Variants in ELMO2 observed in about 807,000 individuals in gnomAD.
ELMO2 encodes engulfment and cell motility 2.
A neutral mutation model predicts 96.2 loss-of-function variants in ELMO2; 37 were observed. The ratio of observed to expected loss-of-function variants is 0.38; its 90% CI spans 0.30 to 0.51. The LOEUF (loss-of-function observed/expected upper bound fraction) is 0.51. Ranked by LOEUF, ELMO2 falls within the 20% of genes least tolerant of loss-of-function variation. The pLI, the probability that ELMO2 is intolerant of heterozygous loss-of-function variation, is 0.88. For synonymous variants in ELMO2, 315 were observed against 329.4 expected (o/e 0.96, Z 0.47); for missense variants, 561 against 912.6 (o/e 0.61, Z 4.96).
chr20:46,385,651 C>A (rs1466604246), intron 9 of ELMO2, among the ~76,000 whole-genome samples: 1 of 152,140 alleles, frequency 6.6e-6, no homozygotes, highest in Admixed American at 6.5e-5. Context: ...CACAGTGCAT[C>A]GTCGGTTCAG....
intron 1 of ELMO2, among the ~76,000 whole-genome samples, chr20:46,406,293 TC>T (rs1175067115): frequency 2.7e-5 from 4 of 149,612 alleles, no homozygotes; most frequent in South Asian, 4.3e-4. Flanking sequence ...TGGCCCGCCC[TC>T]TTCCGCCACG....
intron 7 of ELMO2, 106 bp from the exon 8 acceptor site, chr20:46,387,543 G>A (rs2060068878): frequency 1.3e-6 from 1 of 796,138 alleles, no homozygotes; most frequent in East Asian, 2.8e-5. Context: ...AACACCCCAT[G>A]GGAAATCAGT....
intron 2 of ELMO2, among the ~76,000 whole-genome samples, chr20:46,396,555 G>A (rs1342196219): frequency 6.6e-6 from 1 of 152,052 alleles, no homozygotes; most frequent in Non-Finnish European, 1.5e-5. Context: ...TCCTTTAAAG[G>A]GGAATTTCTG....
intron 20 of ELMO2, chr20:46,370,167 A>G (rs764014371): frequency 7.4e-5 from 43 of 578,732 alleles, no homozygotes; most frequent in Non-Finnish European, 1.3e-4. Context: ...TACGATGTAC[A>G]CTAAATATTT....
At chr20:46,377,296 G>T (rs1204822537) in intron 11 of ELMO2, among the ~76,000 whole-genome samples, 2 of 152,196 alleles carry the variant, frequency 1.3e-5, no homozygotes, top group African/African-American at 4.8e-5. Context: ...TTGTTGAAAT[G>T]GTAACGTTTT....
At chr20:46,404,277 T>G (rs2060386724) in intron 1 of ELMO2, among the ~76,000 whole-genome samples, 1 of 152,226 alleles carries the variant, frequency 6.6e-6, no homozygotes. Context: ...ATATGCTTCT[T>G]GCTGAGCCAC....
chr20:46,367,671 G>A, intron 21 of ELMO2, 111 bp from the exon 22 acceptor site: 1 of 706,054 alleles, frequency 1.4e-6, no homozygotes, highest in Admixed American at 3.9e-5. Context: ...GAACTAATCA[G>A]TATAGGCAAA....
In ELMO2 at chr20:46,394,507, C is replaced by A; in HGVS notation, c.-25G>T. 1 of 1,613,336 alleles carries A rather than the reference C, an allele frequency of 6.2e-7. No homozygotes were observed. Among genetic ancestry groups the A allele is most frequent in the Non-Finnish European group, 8.5e-7 (1 of 1,179,368 alleles). ...TCGTTCCCAATGGGCTCTAATTCTG[C>A]GAGACAAAAACACAGACACGGCTGC... On this transcript the variant is annotated 5_prime_UTR_variant, in exon 3 of 22. Transcript: ENST00000290246.
intron 8 of ELMO2, 64 bp from the exon 9 acceptor site, chr20:46,386,339 T>A: frequency 1.3e-6 from 2 of 1,589,650 alleles, no homozygotes; most frequent in Non-Finnish European, 1.7e-6. Flanking sequence ...AAGCTTAGCA[T>A]CTGATGCTAG....
At chr20:46,405,524 G>A (rs776049230) in intron 1 of ELMO2, among the ~76,000 whole-genome samples, 4 of 152,176 alleles carry the variant, frequency 2.6e-5, no homozygotes, top group Non-Finnish European at 4.4e-5. Flanking sequence ...GCCTGGGTGA[G>A]GTTCTGGATC....
chr20:46,376,540 T>G (rs1157725582), intron 11 of ELMO2, among the ~76,000 whole-genome samples: 1 of 152,132 alleles, frequency 6.6e-6, no homozygotes, highest in African/African-American at 2.4e-5. Context: ...TCCTGTCTCA[T>G]GTTCTGTCTC....
intron 1 of ELMO2, among the ~76,000 whole-genome samples, chr20:46,403,402 C>T (rs1198850428): frequency 6.6e-6 from 1 of 152,216 alleles, no homozygotes; most frequent in African/African-American, 2.4e-5. Flanking sequence ...ATGAAACCAG[C>T]ATAGCATGCC....
At chr20:46,394,000 C>T in intron 4 of ELMO2, 49 bp downstream of exon 4, 2 of 1,612,838 alleles carry the variant, frequency 1.2e-6, no homozygotes. Context: ...TAGGAGTGCT[C>T]TTTCAGTCGG....
intron 11 of ELMO2, chr20:46,376,959 G>A (rs528872979): frequency 4.0e-5 from 18 of 450,808 alleles, no homozygotes; most frequent in Middle Eastern, 6.7e-4. Flanking sequence ...CGTGGCTAGC[G>A]GCTACAGCAA....
At chr20:46,376,770 T>C (rs2059867520) in intron 11 of ELMO2, 1 of 1,289,404 alleles carries the variant, frequency 7.8e-7, no homozygotes, top group South Asian at 1.2e-5. Flanking sequence ...TTTCCACATG[T>C]ACCACCACTA....
chr20:46,375,828 G>T lies in ELMO2; in HGVS notation c.808-38C>A. On this transcript the variant is annotated intron_variant, in intron 11 of 21. Transcript: ENST00000290246. The surrounding 1 kb of genome is among the most constrained non-coding windows in gnomAD (Gnocchi z 4.6). ...CAGGCAGGGAGCAGGGGACTGAACT[G>T]ATCTCTTTTAATGAAGGGCCACATC... is the stretch of plus-strand genomic sequence containing the variant. The T allele has an allele frequency of 6.2e-7, 1 of 1,612,116 alleles. No individual in the cohort carries two copies. Among genetic ancestry groups the T allele is most frequent in the Non-Finnish European group, 8.5e-7 (1 of 1,178,894 alleles).
At chr20:46,373,081 G>C in intron 16 of ELMO2, 1 of 279,142 alleles carries the variant, frequency 3.6e-6, no homozygotes, top group Non-Finnish European at 6.9e-6. Context: ...AGCAGTACCT[G>C]CACAGTAAGC....
At chr20:46,367,965 C>G (rs994744048) in intron 21 of ELMO2, among the ~76,000 whole-genome samples, 30 of 152,048 alleles carry the variant, frequency 2.0e-4, no homozygotes, top group South Asian at 4.2e-4. Context: ...GCCCCGCCCC[C>G]CCGAAAACAA....
chr20:46,374,379 A>G lies in ELMO2; in HGVS notation c.1232T>C (p.Ile411Thr). 3 of 1,614,168 alleles carry G rather than the reference A, an allele frequency of 1.9e-6. No homozygotes were observed. The highest frequency in any genetic ancestry group is 1.1e-5 in the South Asian group (1 of 91,084). ...TTCACAGAGCATTTTGGTGAGCTCA[A>G]TGGCACTGCGGCCAAAGGGGCATTC... Reference protein sequence around the residue: ...KHECPFGRSAIELTKMLCEIL... With the variant: ...KHECPFGRSATELTKMLCEIL... Residue 411 changes from isoleucine to threonine, a missense_variant, in exon 15 of 22, where the codon ATT (isoleucine) becomes ACT (threonine). Physicochemically the swap from Ile to Thr is moderately conservative, Grantham distance 89. Transcript: ENST00000290246.
Sources: gnomAD v4.1 joint callset for allele counts (sites outside exome capture counted in the v4.1 genomes callset) on GRCh38, gnomAD v4.1.1 for gene constraint, Gnocchi (gnomAD v3.1) non-coding constraint, MANE v1.5 for transcripts, NCBI Gene and HGNC (gene_info 2026-07-23, HGNC 2026-07-21) for gene names.